TNNT1: variants seen among roughly 807,000 people sequenced by gnomAD.
TNNT1 encodes the protein troponin T1, slow skeletal type.
Under a neutral mutation model 50.6 loss-of-function variants are expected in TNNT1, and 53 were observed. The observed-to-expected ratio is 1.05, with a 90% CI of 0.84 to 1.32. The LOEUF is 1.32. TNNT1 is among the 40% of genes most tolerant of loss of function. The pLI is 0.00. For synonymous variants in TNNT1, 142 were observed against 138.0 expected, an observed-to-expected ratio of 1.03 and a Z score of -0.20; for missense variants, 348 against 381.7, an observed-to-expected ratio of 0.91 and a Z score of 0.74.
rs549910857 is a variant in TNNT1 at position 55,149,147 on chromosome 19, G to A, written c.-12+14C>T. On this transcript the variant is annotated intron_variant, in intron 1 of 13. Transcript: ENST00000588981. ...TGGTTTTTGAAGACCACAGGGCTCC[G>A]CAGAGCCCCTTACCTAGGCTGTGTC... is the stretch of plus-strand genomic sequence containing the variant. 1.3e-4 allele frequency: 61 copies of A among 456,204 alleles called. No individual in the cohort carries two copies. Among genetic ancestry groups the A allele is most frequent in the South Asian group, 2.2e-4 (14 of 64,556 alleles). The allele number at this position is 456,204 out of a possible 1,614,324, so 28.3% of individuals were successfully genotyped here.
At chr19:55,134,476 A>G (rs911960438) in intron 11 of TNNT1, among the ~76,000 whole-genome samples, 1 of 151,390 alleles carries the variant, frequency 6.6e-6, no homozygotes, top group Non-Finnish European at 1.5e-5. Context: ...ACTTGAGCCC[A>G]GGAGTTCAAG....
At chr19:55,145,819 C>G (rs1186266458) in intron 5 of TNNT1, among the ~76,000 whole-genome samples, 5 of 152,030 alleles carry the variant, frequency 3.3e-5, no homozygotes, top group African/African-American at 1.2e-4. Flanking sequence ...CCCCCCACCC[C>G]CACTGTCTGC....
chr19:55,136,192 A>G (rs1408402521), intron 11 of TNNT1, among the ~76,000 whole-genome samples: 1 of 152,138 alleles, frequency 6.6e-6, no homozygotes, highest in Non-Finnish European at 1.5e-5. Flanking sequence ...CACTATTAAC[A>G]CAAGGATAAT....
intron 3 of TNNT1, 113 bp downstream of exon 3, chr19:55,146,895 G>C: frequency 7.3e-7 from 1 of 1,377,674 alleles, no homozygotes; most frequent in Non-Finnish European, 9.8e-7. Context: ...GGCGGGCGAG[G>C]GCCCGAGGGC....
intron 6 of TNNT1, among the ~76,000 whole-genome samples, chr19:55,143,518 A>G (rs1599887762): frequency 6.6e-6 from 1 of 152,084 alleles, no homozygotes; most frequent in Non-Finnish European, 1.5e-5. Flanking sequence ...ACAATCCCCA[A>G]GGGTCTCTGG....
chr19:55,147,538 G>A (rs1434716115), intron 1 of TNNT1, among the ~76,000 whole-genome samples: 2 of 148,786 alleles, frequency 1.3e-5, no homozygotes, highest in Admixed American at 1.3e-4. Flanking sequence ...CTGAACTCCT[G>A]GATCTGAGGG....
In TNNT1 at chr19:55,134,207, A is replaced by G; in HGVS notation, c.612-3T>C. 2 of 1,565,644 alleles carry G rather than the reference A, an allele frequency of 1.3e-6. No individual in the cohort carries two copies. Among genetic ancestry groups the G allele is most frequent in the Non-Finnish European group, 1.7e-6 (2 of 1,154,960 alleles). ...GAGGCAGCCAGGCAGACCGGGCCCT[A>G]GGCCCAGGGACGGAGAGGAACTTGG... On this transcript the variant is annotated splice_region_variant and splice_polypyrimidine_tract_variant and intron_variant, in intron 11 of 13. Transcript: ENST00000588981.
chr19:55,143,610 A>T (rs887715169), intron 6 of TNNT1, among the ~76,000 whole-genome samples: 1 of 152,044 alleles, frequency 6.6e-6, no homozygotes, highest in African/African-American at 2.4e-5. Flanking sequence ...CATGTGTGGG[A>T]ATAAAATATG....
At chr19:55,148,562 C>T (rs2085623179) in intron 1 of TNNT1, among the ~76,000 whole-genome samples, 2 of 151,688 alleles carry the variant, frequency 1.3e-5, no homozygotes, top group African/African-American at 4.9e-5. Context: ...TCTTGATAGT[C>T]CAGATATGGG....
intron 11 of TNNT1, chr19:55,135,545 AAGAC>A (rs1353893737): frequency 7.4e-6 from 1 of 135,894 alleles, no homozygotes; most frequent in Non-Finnish European, 1.3e-5. Flanking sequence ...TTTTTTTTTT[AAGAC>A]AGAGTTTCGC....
In TNNT1 at chr19:55,146,718, G is replaced by T; in HGVS notation, c.47-11C>A. 6.6e-7 allele frequency: 1 copy of T among 1,504,200 alleles called. No individual in the cohort carries two copies. The highest frequency in any genetic ancestry group is 8.9e-7 in the Non-Finnish European group (1 of 1,125,750). 93.2% of individuals were successfully genotyped at this position (1,504,200 alleles called of 1,614,324 possible). A position where few individuals can be genotyped will look rare whatever the true frequency, so the allele number is the denominator to read the frequency against. On this transcript the variant is annotated splice_polypyrimidine_tract_variant and intron_variant, in intron 3 of 13. Transcript: ENST00000588981. ...CCTCCGCAGCCTCCTCTGGAGATGG[G>T]GGCACAGAAGAGAAGGCGTTAGGAG...
chr19:55,143,061 C>CA (rs2085487705), intron 6 of TNNT1, among the ~76,000 whole-genome samples: 1 of 151,594 alleles, frequency 6.6e-6, no homozygotes, highest in African/African-American at 2.4e-5. Flanking sequence ...CCCTGCTACT[C>CA]AGGAGGCTGA....
intron 6 of TNNT1, among the ~76,000 whole-genome samples, chr19:55,144,821 G>C (rs1389025849): frequency 1.3e-5 from 2 of 152,232 alleles, no homozygotes; most frequent in Non-Finnish European, 2.9e-5. Flanking sequence ...CGTCTTAAGA[G>C]TAGTGGGGAG....
At chr19:55,133,357 G>A (rs2085281436) in intron 13 of TNNT1, among the ~76,000 whole-genome samples, 1 of 151,780 alleles carries the variant, frequency 6.6e-6, no homozygotes. Flanking sequence ...GAGGAAGGAA[G>A]AGGGAGTGGA....
At chr19:55,139,521 T>C (rs1007811824) in intron 9 of TNNT1, among the ~76,000 whole-genome samples, 8 of 152,152 alleles carry the variant, frequency 5.3e-5, no homozygotes, top group Admixed American at 1.3e-4. Flanking sequence ...CCTTCTTTCA[T>C]CTTCAGAGGC....
intron 11 of TNNT1, 103 bp from the exon 12 acceptor site, chr19:55,134,307 T>G: frequency 8.2e-7 from 1 of 1,215,652 alleles, no homozygotes; most frequent in Non-Finnish European, 1.2e-6. Context: ...CACCATTTTG[T>G]TCATATTTGA....
intron 7 of TNNT1, 103 bp downstream of exon 7, chr19:55,141,754 A>G: frequency 7.4e-7 from 1 of 1,349,828 alleles, no homozygotes; most frequent in Admixed American, 1.7e-5. Flanking sequence ...TGCTGGGATT[A>G]CAGGCATGAG....
Position 55,141,851 on chromosome 19 carries a change from A to T in TNNT1, c.192+6T>A. The T allele has an allele frequency of 3.7e-6, 6 of 1,613,920 alleles. No homozygotes were observed. Among genetic ancestry groups the T allele is most frequent in the Non-Finnish European group, 5.1e-6 (6 of 1,179,876 alleles). Reference sequence around the variant, plus strand: ...TGCGCCTGCGGAGGGGTCTCTTGTCACTTACATCGAAGTCAACGCGCTCCC... The same window carrying T: ...TGCGCCTGCGGAGGGGTCTCTTGTCTCTTACATCGAAGTCAACGCGCTCCC... On this transcript the variant is annotated splice_donor_region_variant and intron_variant, in intron 7 of 13. Transcript: ENST00000588981.
chr19:55,137,687 C>A (rs1367389452), intron 10 of TNNT1, among the ~76,000 whole-genome samples: 1 of 146,430 alleles, frequency 6.8e-6, no homozygotes, highest in East Asian at 2.1e-4. Context: ...AGAAGTCTGG[C>A]CCCCAGCCCC....
Sources: allele counts gnomAD v4.1 joint callset (sites outside exome capture counted in the v4.1 genomes callset), GRCh38; gene constraint gnomAD v4.1.1; transcripts MANE v1.5; gene names NCBI Gene and HGNC (gene_info 2026-07-23, HGNC 2026-07-21).